Variants in CACNA1C observed in about 807,000 individuals in gnomAD.
CACNA1C encodes calcium voltage-gated channel subunit alpha1 C.
Under a neutral mutation model 229.0 loss-of-function variants are expected in CACNA1C, and 30 were observed. The observed-to-expected ratio is 0.13, with a 90% CI of 0.10 to 0.18. The LOEUF (loss-of-function observed/expected upper bound fraction) is 0.18. CACNA1C is among the 10% of genes least tolerant of loss of function. The pLI, the probability that CACNA1C is intolerant of heterozygous loss-of-function variation, is 1.00. For missense variants in CACNA1C, 1,658 were observed against 2,845.0 expected, an observed-to-expected ratio of 0.58 and a Z score of 9.49; for synonymous variants, 1,114 against 1,132.5, an observed-to-expected ratio of 0.98 and a Z score of 0.33.
At chr12:2,190,325 T>C (rs895379451) in intron 3 of CACNA1C, among the ~76,000 whole-genome samples, 9 of 152,200 alleles carry the variant, frequency 5.9e-5, no homozygotes, top group Non-Finnish European at 1.0e-4. Context: ...AAGGTTTTTG[T>C]CATTCAAGGT....
rs142428105 is a variant in CACNA1C at position 2,628,598 on chromosome 12, C to T, written c.3829-5699C>T. ...GTGACTCCTACGTCACTAGGCAGAG[C>T]AACGCTGGTAAATAATGACAGTGGC... On this transcript the variant is annotated intron_variant, in intron 29 of 46. Transcript: ENST00000399655. 1.9e-3 allele frequency among the ~76,000 whole-genome samples: 295 copies of T among 152,276 alleles called. 2 individuals carry two copies. Among genetic ancestry groups the T allele is most frequent in the African/African-American group, 6.4e-3 (266 of 41,546 alleles).
At chr12:2,283,339 T>G (rs1158817557) in intron 3 of CACNA1C, among the ~76,000 whole-genome samples, 2 of 152,162 alleles carry the variant, frequency 1.3e-5, no homozygotes, top group Admixed American at 6.5e-5. Context: ...AGACTTTGGG[T>G]AGCAAACCAA....
intron 5 of CACNA1C, among the ~76,000 whole-genome samples, chr12:2,462,288 C>CG (rs1411348961): frequency 6.6e-6 from 1 of 150,978 alleles, no homozygotes; most frequent in East Asian, 1.9e-4. Flanking sequence ...TTCCTCGGCA[C>CG]CCCCTCGGCT....
At chr12:2,177,550 CTT>C in intron 3 of CACNA1C, among the ~76,000 whole-genome samples, 1 of 135,968 alleles carries the variant, frequency 7.4e-6, no homozygotes, top group African/African-American at 2.8e-5. Context: ...CCTTTCCTTC[CTT>C]CCCTTTCCTT....
intron 1 of CACNA1C, among the ~76,000 whole-genome samples, chr12:2,032,261 G>A (rs891735369): frequency 6.6e-6 from 1 of 152,014 alleles, no homozygotes; most frequent in African/African-American, 2.4e-5. Context: ...GCTTATATCA[G>A]TATAACTCAC....
rs1186430308 is a variant in CACNA1C at position 2,486,316 on chromosome 12, C to T, written c.916+54C>T. ...AGGCCCTGCCCTCTATCGCTCCCAG[C>T]ACCTTTCCCGCTGCTGGCTACACCA... On this transcript the variant is annotated intron_variant, in intron 6 of 46. Coordinates refer to ENST00000399655, the MANE Select transcript of CACNA1C (RefSeq NM_000719.7). The surrounding 1 kb of genome is among the most constrained non-coding windows in gnomAD (Gnocchi z 4.9). The T allele has an allele frequency of 2.0e-6, 3 of 1,492,394 alleles. No individual in the cohort carries two copies. The highest frequency in any genetic ancestry group is 1.3e-5 in the South Asian group (1 of 79,344). The allele number at this position is 1,492,394 out of a possible 1,614,324, so 92.4% of individuals were successfully genotyped here.
intron 3 of CACNA1C, among the ~76,000 whole-genome samples, chr12:2,186,843 G>C (rs1279428083): frequency 1.3e-5 from 2 of 152,212 alleles, no homozygotes; most frequent in Non-Finnish European, 2.9e-5. Flanking sequence ...ATGACTAAAA[G>C]AGCAGGGGCT....
rs557506551 is a variant in CACNA1C at position 2,663,811 on chromosome 12, G to A, written c.4233-1014G>A. 6.6e-5 allele frequency among the ~76,000 whole-genome samples: 9 copies of A among 137,180 alleles called. No individual in the cohort carries two copies. In the East Asian group the frequency reaches 1.3e-3, roughly 20 times the overall value. The allele number at this position is 137,180 out of a possible 152,430, so 90.0% of individuals were successfully genotyped here. Reference sequence around the variant, plus strand: ...GGCTGGAGTACAGTGGTGTGATCTCGGCTCACTGCAAACTCCGCCTCCCGG... The same window carrying A: ...GGCTGGAGTACAGTGGTGTGATCTCAGCTCACTGCAAACTCCGCCTCCCGG... On this transcript the variant is annotated intron_variant, in intron 34 of 46. Coordinates refer to ENST00000399655, the MANE Select transcript of CACNA1C (RefSeq NM_000719.7).
chr12:2,348,349 G>A lies in CACNA1C; in HGVS notation c.478-100627G>A, dbSNP rs2097109153. Among the ~76,000 whole-genome samples, 1 of 152,214 alleles carries A rather than the reference G, an allele frequency of 6.6e-6. No homozygotes were observed. Among genetic ancestry groups the A allele is most frequent in the Non-Finnish European group, 1.5e-5 (1 of 68,038 alleles). On this transcript the variant is annotated intron_variant, in intron 3 of 46. Transcript: ENST00000399655. This position sits in a 1 kb window ranked among gnomAD's most constrained non-coding sequence, Gnocchi z 4.7. Reference sequence around the variant, plus strand: ...GACCCTTTGGATCCTATGTGCGGGGGACTTCCCAAGAGCTCCCGGCCCACG... The same window carrying A: ...GACCCTTTGGATCCTATGTGCGGGGAACTTCCCAAGAGCTCCCGGCCCACG...
chr12:2,553,871 A>C (rs2042649949), intron 10 of CACNA1C, among the ~76,000 whole-genome samples: 1 of 152,236 alleles, frequency 6.6e-6, no homozygotes, highest in African/African-American at 2.4e-5. Flanking sequence ...CTCAGCACCC[A>C]GGAGTGGAAG....
intron 29 of CACNA1C, among the ~76,000 whole-genome samples, chr12:2,626,273 A>G (rs1471243370): frequency 1.3e-5 from 2 of 152,184 alleles, no homozygotes; most frequent in Non-Finnish European, 2.9e-5. Flanking sequence ...GAGAGGGCAC[A>G]AGGCAGGAGT....
At chr12:2,210,864 C>T (rs1455986138) in intron 3 of CACNA1C, among the ~76,000 whole-genome samples, 4 of 152,260 alleles carry the variant, frequency 2.6e-5, no homozygotes, top group Middle Eastern at 3.4e-3. Flanking sequence ...CATCTCCTCT[C>T]TGGTAACTCC....
At chr12:2,262,511 C>T (rs569868775) in intron 3 of CACNA1C, among the ~76,000 whole-genome samples, 1 of 152,280 alleles carries the variant, frequency 6.6e-6, no homozygotes, top group East Asian at 1.9e-4. Context: ...TCAGCATCTG[C>T]AGTGGTGTGT....
chr12:2,439,004 C>T (rs867830239), intron 3 of CACNA1C, among the ~76,000 whole-genome samples: 7 of 152,098 alleles, frequency 4.6e-5, no homozygotes, highest in Non-Finnish European at 1.0e-4. Context: ...GTAATTCAGC[C>T]CTGATTGGTA....
chr12:2,124,313 G>T (rs1361632585), intron 3 of CACNA1C, among the ~76,000 whole-genome samples: 4 of 152,178 alleles, frequency 2.6e-5, no homozygotes, highest in Non-Finnish European at 5.9e-5. Flanking sequence ...TTAATGGCAA[G>T]TTTCACATAG....
At chr12:2,572,037 CTTTTTTTTTTTT>C (rs5796014) in intron 13 of CACNA1C, among the ~76,000 whole-genome samples, 1 of 128,486 alleles carries the variant, frequency 7.8e-6, no homozygotes, top group Non-Finnish European at 1.6e-5. Context: ...AATTTCTTCT[CTTTTTTTTTTTT>C]TTTTTTTTTA....
At chr12:2,598,346 C>T (rs755938316) in intron 21 of CACNA1C, among the ~76,000 whole-genome samples, 1 of 152,220 alleles carries the variant, frequency 6.6e-6, no homozygotes, top group African/African-American at 2.4e-5. Flanking sequence ...CAGGGCAACA[C>T]TGGGATGAGA....
chr12:2,475,845 A>G (rs1003279480), intron 5 of CACNA1C, among the ~76,000 whole-genome samples: 1 of 152,228 alleles, frequency 6.6e-6, no homozygotes, highest in Admixed American at 6.5e-5. Context: ...TATAGTGGTT[A>G]TCTTGGTGTA....
intron 3 of CACNA1C, among the ~76,000 whole-genome samples, chr12:2,331,102 TAGAC>T (rs1171884261): frequency 1.3e-5 from 2 of 152,202 alleles, no homozygotes; most frequent in East Asian, 1.9e-4. Context: ...AAGACTCTGA[TAGAC>T]AGGTGTGCAA....
Sources: gnomAD v4.1 joint callset for allele counts (sites outside exome capture counted in the v4.1 genomes callset) on GRCh38, gnomAD v4.1.1 for gene constraint, Gnocchi (gnomAD v3.1) non-coding constraint, MANE v1.5 for transcripts, NCBI Gene and HGNC (gene_info 2026-07-23, HGNC 2026-07-21) for gene names.